The following ADAMTS12 variants were observed in gnomAD, a reference collection of about 807,000 sequenced individuals.
The protein encoded by ADAMTS12 is A disintegrin and metalloproteinase with thrombospondin motifs 12.
ADAMTS12 carries 118 observed loss-of-function variants against 167.8 expected under a neutral mutation model. That is an observed-to-expected ratio of 0.70 (90% CI 0.61 to 0.82). The LOEUF is 0.82. ADAMTS12 is among the 40% of genes least tolerant of loss of function. The pLI is 0.00. For synonymous variants in ADAMTS12, 704 were observed against 716.9 expected, an observed-to-expected ratio of 0.98 and a Z score of 0.29; for missense variants, 1,916 against 1,998.8, an observed-to-expected ratio of 0.96 and a Z score of 0.79.
intron 18 of ADAMTS12, among the ~76,000 whole-genome samples, chr5:33,584,232 A>C (rs1747217585): frequency 6.6e-6 from 1 of 152,218 alleles, no homozygotes; most frequent in African/African-American, 2.4e-5. Flanking sequence ...AAAGTACTTA[A>C]TAGATACATA....
chr5:33,881,802 G>T (rs981967209), intron 1 of ADAMTS12, among the ~76,000 whole-genome samples: 6 of 146,474 alleles, frequency 4.1e-5, no homozygotes, highest in African/African-American at 1.5e-4. Context: ...TTGAACTCCC[G>T]ACCTCAGGTG....
At chr5:33,692,369 G>A (rs1742583077) in intron 3 of ADAMTS12, among the ~76,000 whole-genome samples, 1 of 152,246 alleles carries the variant, frequency 6.6e-6, no homozygotes, top group African/African-American at 2.4e-5. Context: ...GAAGGAGCCT[G>A]GGTTCCTGAT....
chr5:33,617,216 C>CT (rs71600917), intron 14 of ADAMTS12, among the ~76,000 whole-genome samples: 15,172 of 144,624 alleles, frequency 0.1, 878 homozygotes, highest in East Asian at 0.27. Flanking sequence ...GTTCTTTCAA[C>CT]TTTTTTTTTT....
intron 2 of ADAMTS12, among the ~76,000 whole-genome samples, chr5:33,765,714 GA>G (rs1291552409): frequency 6.7e-6 from 1 of 149,168 alleles, no homozygotes; most frequent in Admixed American, 6.7e-5. Context: ...TCTGACCACA[GA>G]AAAAAAAATA....
Position 33,525,205 on chromosome 5 carries a change from T to C in ADAMTS12, c.*1983A>G, listed in dbSNP as rs968900113. The stretch of plus-strand genomic sequence containing the variant: ...CCACTCATGTCACTAACAATTTAAG[T>C]GTCTCCTCTCCTCGAAAACCATTAT... On this transcript the variant is annotated 3_prime_UTR_variant, in exon 24 of 24. Coordinates refer to ENST00000504830, the MANE Select transcript of ADAMTS12 (RefSeq NM_030955.4). 2.0e-5 allele frequency: 3 copies of C among 152,254 alleles called. No homozygotes were observed. The highest frequency in any genetic ancestry group is 4.4e-5 in the Non-Finnish European group (3 of 68,044). 9.4% of individuals were successfully genotyped at this position (152,254 alleles called of 1,614,324 possible).
intron 2 of ADAMTS12, among the ~76,000 whole-genome samples, chr5:33,839,083 A>G (rs527739096): frequency 6.6e-6 from 1 of 152,150 alleles, no homozygotes. Context: ...TTCAAACTTG[A>G]TCTTTCTGTG....
chr5:33,633,899 A>G (rs1028259587), intron 12 of ADAMTS12, among the ~76,000 whole-genome samples: 1 of 151,920 alleles, frequency 6.6e-6, no homozygotes. Context: ...TTTTCCCTCT[A>G]GCTTTCAAAA....
At chr5:33,796,768 G>C (rs922403426) in intron 2 of ADAMTS12, among the ~76,000 whole-genome samples, 1 of 152,182 alleles carries the variant, frequency 6.6e-6, no homozygotes, top group Non-Finnish European at 1.5e-5. Flanking sequence ...GGTCTATGAA[G>C]AGCAGGAAAA....
intron 2 of ADAMTS12, among the ~76,000 whole-genome samples, chr5:33,781,183 G>A (rs72741455): frequency 0.061 from 9,339 of 151,906 alleles, 427 homozygotes; most frequent in Non-Finnish European, 0.097. Flanking sequence ...GATATAGATA[G>A]ATATAGATAC....
At chr5:33,533,481 G>A (rs1422108313) in intron 23 of ADAMTS12, among the ~76,000 whole-genome samples, 3 of 152,138 alleles carry the variant, frequency 2.0e-5, no homozygotes, top group African/African-American at 7.2e-5. Flanking sequence ...TCTAGAGTGA[G>A]GCCTGAGAGC....
Position 33,683,062 on chromosome 5 carries a change from T to C in ADAMTS12, c.871A>G (p.Ile291Val), listed in dbSNP as rs369343646. 10 of 1,613,530 alleles carry C rather than the reference T, an allele frequency of 6.2e-6. No individual in the cohort carries two copies. Among genetic ancestry groups the C allele is most frequent in the African/African-American group, 4.0e-5 (3 of 74,904 alleles). The change falls in exon 5 of 24, where the codon ATT becomes GTT. Residue 291 changes from isoleucine (I) to valine (V), a missense_variant. Physicochemically the swap from Ile to Val is conservative, Grantham distance 29. Coordinates refer to ENST00000504830, the MANE Select transcript of ADAMTS12 (RefSeq NM_030955.4). ...LFHNPSIGNA[I>V]HIVVVRLILL... ...ATGAGCCGAACCACAACAATGTGAA[T>C]TGCATTGCCAATGCTTGGGTTATGG... is the stretch of plus-strand genomic sequence containing the variant.
intron 3 of ADAMTS12, among the ~76,000 whole-genome samples, chr5:33,718,007 A>C (rs1438669156): frequency 6.6e-6 from 1 of 152,234 alleles, no homozygotes; most frequent in East Asian, 1.9e-4. Context: ...AAAGTTTTAC[A>C]CAATCCTAAC....
At chr5:33,780,591 G>C (rs1301069440) in intron 2 of ADAMTS12, among the ~76,000 whole-genome samples, 2 of 152,160 alleles carry the variant, frequency 1.3e-5, no homozygotes, top group Non-Finnish European at 2.9e-5. Context: ...AAAAGAAATG[G>C]AGTTGGGCAT....
At chr5:33,549,558 C>T (rs539270254) in intron 20 of ADAMTS12, among the ~76,000 whole-genome samples, 175 bp from the exon 21 acceptor site, 5 of 152,336 alleles carry the variant, frequency 3.3e-5, no homozygotes, top group South Asian at 2.1e-4. Context: ...CAGCAGCTCC[C>T]GATGTCGGGA....
At chr5:33,714,099 T>C (rs978510906) in intron 3 of ADAMTS12, among the ~76,000 whole-genome samples, 2 of 152,078 alleles carry the variant, frequency 1.3e-5, no homozygotes, top group African/African-American at 4.8e-5. Context: ...GTGTTTCTTT[T>C]AGAGAGTTTT....
chr5:33,829,877 C>T (rs373334977), intron 2 of ADAMTS12, among the ~76,000 whole-genome samples: 3 of 152,148 alleles, frequency 2.0e-5, no homozygotes, highest in South Asian at 2.1e-4. Context: ...CATCTGGCCC[C>T]AGTCCTTTTC....
intron 3 of ADAMTS12, among the ~76,000 whole-genome samples, chr5:33,706,828 C>T (rs1392022711): frequency 6.6e-6 from 1 of 152,138 alleles, no homozygotes; most frequent in African/African-American, 2.4e-5. Context: ...CTACTTATGA[C>T]AAACCCACAG....
chr5:33,595,891 C>T (rs10461924), intron 17 of ADAMTS12, 43 bp downstream of exon 17: 859,741 of 1,609,680 alleles, frequency 0.53, 233,116 homozygotes, highest in Middle Eastern at 0.65. Context: ...TCAGACATCA[C>T]TGTAGGCAGA....
chr5:33,692,844 T>C (rs1279087919), intron 3 of ADAMTS12, among the ~76,000 whole-genome samples: 1 of 152,240 alleles, frequency 6.6e-6, no homozygotes, highest in Non-Finnish European at 1.5e-5. Context: ...TTCAGAGAAG[T>C]CATATATTTA....
Sources: allele counts gnomAD v4.1 joint callset (sites outside exome capture counted in the v4.1 genomes callset), GRCh38; gene constraint gnomAD v4.1.1; transcripts MANE v1.5; gene names NCBI Gene and HGNC (gene_info 2026-07-23, HGNC 2026-07-21).